Variants in KALRN observed in about 807,000 individuals in gnomAD.
The protein encoded by KALRN is kalirin.
A neutral mutation model predicts 353.7 loss-of-function variants in KALRN; 70 were observed. That is an observed-to-expected ratio of 0.20 (90% CI 0.16 to 0.24). The LOEUF is 0.24. Ranked by LOEUF, KALRN falls within the 10% of genes least tolerant of loss-of-function variation. The probability of loss-of-function intolerance (pLI) is 1.00; values close to 1 mark genes in which losing one functional copy is unlikely to be tolerated. For synonymous variants in KALRN, 1,391 were observed against 1,434.8 expected, an observed-to-expected ratio of 0.97 and a Z score of 0.69; for missense variants, 2,791 against 3,756.7, an observed-to-expected ratio of 0.74 and a Z score of 6.72.
At chr3:124,166,043 C>T (rs2070792041) in intron 1 of KALRN, among the ~76,000 whole-genome samples, 1 of 152,156 alleles carries the variant, frequency 6.6e-6, no homozygotes, top group Non-Finnish European at 1.5e-5. Flanking sequence ...ATCCTCCCAT[C>T]TGCCTGCTCC....
At chr3:124,689,231 G>A (rs2061699408) in intron 51 of KALRN, among the ~76,000 whole-genome samples, 1 of 152,070 alleles carries the variant, frequency 6.6e-6, no homozygotes. Flanking sequence ...TTTTGAAACA[G>A]GGTCTCACTC....
At chr3:124,041,345 T>C (rs912176007) in intron 1 of KALRN, among the ~76,000 whole-genome samples, 8 of 152,204 alleles carry the variant, frequency 5.3e-5, no homozygotes, top group Non-Finnish European at 1.0e-4. Flanking sequence ...TCAAATAAGA[T>C]ACTGTATCTG....
chr3:124,113,379 G>A (rs923798546), intron 1 of KALRN, among the ~76,000 whole-genome samples: 9 of 152,232 alleles, frequency 5.9e-5, no homozygotes, highest in Non-Finnish European at 1.0e-4. Context: ...GGATGGTGGA[G>A]TGGTTATAAG....
intron 59 of KALRN, 82 bp downstream of exon 59, chr3:124,717,467 A>G (rs757863363): frequency 4.2e-6 from 4 of 944,350 alleles, no homozygotes; most frequent in Admixed American, 2.6e-5. Flanking sequence ...TGGGCGGATC[A>G]CAAGGTCAGG....
At chr3:124,710,801 G>T (rs1025382074) in intron 57 of KALRN, among the ~76,000 whole-genome samples, 1 of 152,088 alleles carries the variant, frequency 6.6e-6, no homozygotes, top group African/African-American at 2.4e-5. Flanking sequence ...GAAAAATGGG[G>T]ATGAATTGTT....
chr3:124,525,329 G>T (rs1020052966), intron 33 of KALRN, among the ~76,000 whole-genome samples: 1 of 152,200 alleles, frequency 6.6e-6, no homozygotes, highest in Non-Finnish European at 1.5e-5. Flanking sequence ...CTGTAAGGAT[G>T]TCCAGTGATT....
At chr3:124,296,594 C>T (rs79972135) in intron 5 of KALRN, among the ~76,000 whole-genome samples, 2,027 of 152,290 alleles carry the variant, frequency 0.013, 26 homozygotes, top group Non-Finnish European at 0.021. Context: ...CACTTCACTA[C>T]CCAGCTTAAA....
At chr3:124,267,319 G>C (rs1215526746) in intron 4 of KALRN, among the ~76,000 whole-genome samples, 1 of 152,272 alleles carries the variant, frequency 6.6e-6, no homozygotes, top group African/African-American at 2.4e-5. Context: ...AAATCTCCTG[G>C]GGATTTTGAA....
chr3:124,699,790 T>C, intron 55 of KALRN, 79 bp from the exon 56 acceptor site: 1 of 1,369,072 alleles, frequency 7.3e-7, no homozygotes, highest in Non-Finnish European at 1.0e-6. Context: ...TCTATTTTCC[T>C]GTCTTTGTTT....
intron 6 of KALRN, among the ~76,000 whole-genome samples, chr3:124,318,516 G>C (rs947344337): frequency 6.6e-6 from 1 of 152,178 alleles, no homozygotes; most frequent in Non-Finnish European, 1.5e-5. Context: ...ATAAACTAAT[G>C]ATTTAACAGC....
chr3:124,649,701 T>C (rs2083166205), intron 37 of KALRN, among the ~76,000 whole-genome samples: 1 of 151,924 alleles, frequency 6.6e-6, no homozygotes, highest in Admixed American at 6.6e-5. Flanking sequence ...GGTGAGAGGA[T>C]TGCTTGAGCC....
intron 33 of KALRN, among the ~76,000 whole-genome samples, chr3:124,525,613 G>C (rs188382597): frequency 6.6e-6 from 1 of 152,204 alleles, no homozygotes; most frequent in South Asian, 2.1e-4. Flanking sequence ...ACTTGCCTGG[G>C]ATCTTGGCCT....
intron 34 of KALRN, chr3:124,584,939 G>C (rs2250757): frequency 0.5 from 780,510 of 1,562,332 alleles, 202,480 homozygotes; most frequent in East Asian, 0.85. Context: ...GGTGCCTTCT[G>C]TTAGCCAGAC....
intron 51 of KALRN, among the ~76,000 whole-genome samples, chr3:124,687,341 C>T (rs773839244): frequency 6.6e-5 from 10 of 152,192 alleles, no homozygotes; most frequent in Non-Finnish European, 1.3e-4. Flanking sequence ...CCCCCACCTC[C>T]AGTCCCTTCC....
intron 25 of KALRN, among the ~76,000 whole-genome samples, chr3:124,466,912 T>C (rs2060399921): frequency 6.6e-6 from 1 of 152,230 alleles, no homozygotes; most frequent in South Asian, 2.1e-4. Context: ...TGAATATTTC[T>C]ACCCATTTCT....
At chr3:124,517,590 G>A (rs568867530) in intron 33 of KALRN, among the ~76,000 whole-genome samples, 5 of 152,286 alleles carry the variant, frequency 3.3e-5, no homozygotes, top group Admixed American at 3.3e-4. Context: ...AGGAAACAGT[G>A]ATTTCATTGC....
At chr3:124,134,658 C>T (rs1199237100) in intron 1 of KALRN, among the ~76,000 whole-genome samples, 3 of 152,052 alleles carry the variant, frequency 2.0e-5, no homozygotes, top group Non-Finnish European at 4.4e-5. Context: ...GAATCTACAA[C>T]GGACTCAGAC....
intron 2 of KALRN, among the ~76,000 whole-genome samples, chr3:124,232,019 C>T (rs528408701): frequency 1.3e-5 from 2 of 152,308 alleles, no homozygotes; most frequent in African/African-American, 4.8e-5. Context: ...GTTTTAGTCC[C>T]TTACTTTGAC....
intron 1 of KALRN, among the ~76,000 whole-genome samples, chr3:124,067,352 T>C (rs2042453183): frequency 7.2e-6 from 1 of 138,314 alleles, no homozygotes; most frequent in Non-Finnish European, 1.6e-5. Context: ...GGAATTACTC[T>C]GATGCAATGG....
Sources: allele counts gnomAD v4.1 joint callset (sites outside exome capture counted in the v4.1 genomes callset), GRCh38; gene constraint gnomAD v4.1.1; transcripts MANE v1.5; gene names NCBI Gene and HGNC (gene_info 2026-07-23, HGNC 2026-07-21).